The following CSMD1 variants were observed in gnomAD, a reference collection of about 807,000 sequenced individuals.
CSMD1 encodes the protein CUB and sushi domain-containing protein 1.
CSMD1 carries 213 observed loss-of-function variants against 417.5 expected under a neutral mutation model. That is an observed-to-expected ratio of 0.51 (90% CI 0.46 to 0.57). The LOEUF is 0.57. Ranked by LOEUF, CSMD1 falls within the 20% of genes least tolerant of loss-of-function variation. CSMD1 has a pLI of 0.00. For synonymous variants in CSMD1, 2,862 were observed against 1,736.8 expected, an observed-to-expected ratio of 1.65 and a Z score of -16.11; for missense variants, 6,923 against 4,529.7, an observed-to-expected ratio of 1.53 and a Z score of -15.17.
At chr8:3,564,893 C>G (rs951210542) in intron 10 of CSMD1, among the ~76,000 whole-genome samples, 1 of 151,748 alleles carries the variant, frequency 6.6e-6, no homozygotes, top group Non-Finnish European at 1.5e-5. Context: ...AATGAAATAG[C>G]TGGCACACAG....
chr8:3,557,744 G>C (rs986569159), intron 10 of CSMD1, among the ~76,000 whole-genome samples: 1 of 152,082 alleles, frequency 6.6e-6, no homozygotes, highest in Non-Finnish European at 1.5e-5. Context: ...TTTCCCCTTA[G>C]TCCCCTAGTA....
intron 3 of CSMD1, among the ~76,000 whole-genome samples, chr8:4,370,589 C>A (rs1410062137): frequency 3.3e-5 from 5 of 152,122 alleles, no homozygotes; most frequent in Admixed American, 6.5e-5. Context: ...TGTGTTTGGT[C>A]TCTTTGCATA....
chr8:3,819,948 A>G (rs1801629724), intron 5 of CSMD1, among the ~76,000 whole-genome samples: 1 of 152,152 alleles, frequency 6.6e-6, no homozygotes, highest in African/African-American at 2.4e-5. Context: ...TCTCCCTTGA[A>G]TAATTCATCG....
intron 7 of CSMD1, chr8:3,702,001 A>G (rs1188841404): frequency 6.6e-6 from 1 of 152,048 alleles, no homozygotes; most frequent in Non-Finnish European, 1.5e-5. Context: ...TCAGGGTAAG[A>G]AAACATTGAT....
intron 3 of CSMD1, among the ~76,000 whole-genome samples, chr8:4,112,940 C>G (rs191786806): frequency 7.9e-5 from 12 of 152,180 alleles, no homozygotes; most frequent in Admixed American, 6.5e-4. Context: ...TCACTTCATC[C>G]TTTTGCGTTA....
intron 3 of CSMD1, among the ~76,000 whole-genome samples, chr8:4,115,291 T>A (rs904006938): frequency 6.6e-6 from 1 of 152,244 alleles, no homozygotes; most frequent in African/African-American, 2.4e-5. Context: ...ATTTTTAGCA[T>A]TTTTGGCAAC....
Position 3,241,632 on chromosome 8 carries a change from G to A in CSMD1, c.4154-11401C>T, listed in dbSNP as rs576433837. Reference sequence around the variant, plus strand: ...CGGGACACGGTTTAGGAGGAATCCTGGGCTGCAGGCATTCCTTGGCCTGGT... The same window carrying A: ...CGGGACACGGTTTAGGAGGAATCCTAGGCTGCAGGCATTCCTTGGCCTGGT... On this transcript the variant is annotated intron_variant, in intron 26 of 69. Transcript: ENST00000635120. 2.4e-4 allele frequency among the ~76,000 whole-genome samples: 37 copies of A among 152,280 alleles called. 1 individual carries two copies. Among genetic ancestry groups the A allele is most frequent in the African/African-American group, 8.7e-4 (36 of 41,550 alleles).
chr8:4,236,800 C>G (rs1419927517), intron 3 of CSMD1, among the ~76,000 whole-genome samples: 1 of 152,080 alleles, frequency 6.6e-6, no homozygotes, highest in African/African-American at 2.4e-5. Context: ...AATAGTAGCC[C>G]AAATTATTAA....
chr8:4,246,703 G>GT (rs1563331163), intron 3 of CSMD1, among the ~76,000 whole-genome samples: 1 of 151,952 alleles, frequency 6.6e-6, no homozygotes, highest in Non-Finnish European at 1.5e-5. Flanking sequence ...ATTTTTCATT[G>GT]TTTTTTAATT....
chr8:3,447,986 A>G (rs1188454614), intron 12 of CSMD1, among the ~76,000 whole-genome samples: 1 of 152,140 alleles, frequency 6.6e-6, no homozygotes, highest in Non-Finnish European at 1.5e-5. Flanking sequence ...AGCAGAGCTG[A>G]GGAAATGAGA....
chr8:3,958,661 A>G (rs1200586316), intron 5 of CSMD1, among the ~76,000 whole-genome samples: 1 of 152,186 alleles, frequency 6.6e-6, no homozygotes, highest in Non-Finnish European at 1.5e-5. Context: ...TAGCCTATAA[A>G]AACAAAATGT....
intron 2 of CSMD1, among the ~76,000 whole-genome samples, chr8:4,605,959 C>G (rs528784416): frequency 2.0e-5 from 3 of 152,086 alleles, no homozygotes; most frequent in African/African-American, 7.2e-5. Context: ...CTAAGCTAGA[C>G]CAGAGCAGAG....
chr8:4,580,568 G>A (rs1049834296), intron 2 of CSMD1, among the ~76,000 whole-genome samples: 3 of 152,110 alleles, frequency 2.0e-5, no homozygotes, highest in African/African-American at 4.8e-5. Context: ...CGTCTCATGA[G>A]GCTCCTCCTT....
chr8:4,068,017 G>A (rs913616130), intron 3 of CSMD1, among the ~76,000 whole-genome samples: 2 of 152,032 alleles, frequency 1.3e-5, no homozygotes, highest in African/African-American at 2.4e-5. Context: ...GGGGGCGAAG[G>A]TTGCAGTGAG....
chr8:3,454,259 T>C (rs1815955047), intron 12 of CSMD1, among the ~76,000 whole-genome samples: 1 of 152,230 alleles, frequency 6.6e-6, no homozygotes, highest in South Asian at 2.1e-4. Context: ...GTCTTGACTC[T>C]TTATCCAATT....
At chr8:3,602,656 C>G (rs1430162194) in intron 8 of CSMD1, among the ~76,000 whole-genome samples, 2 of 151,346 alleles carry the variant, frequency 1.3e-5, no homozygotes, top group African/African-American at 2.4e-5. Flanking sequence ...TGTTATAATT[C>G]TAATGTATGG....
intron 67 of CSMD1, 73 bp downstream of exon 67, chr8:2,950,158 G>A (rs1052684588): frequency 3.9e-5 from 38 of 983,534 alleles, no homozygotes; most frequent in Admixed American, 1.2e-4. Flanking sequence ...CCTCCAATCC[G>A]TAGCCCTTGC....
intron 2 of CSMD1, among the ~76,000 whole-genome samples, chr8:4,525,067 C>G (rs1796447493): frequency 6.6e-6 from 1 of 152,098 alleles, no homozygotes; most frequent in Non-Finnish European, 1.5e-5. Flanking sequence ...GTCAATTAAA[C>G]TGCAAGTCAA....
intron 11 of CSMD1, among the ~76,000 whole-genome samples, chr8:3,476,338 T>C (rs1040968570): frequency 4.6e-5 from 7 of 152,216 alleles, no homozygotes; most frequent in African/African-American, 1.7e-4. Flanking sequence ...AAAATATACA[T>C]GTGTTTTTCC....
Sources: allele counts gnomAD v4.1 joint callset (sites outside exome capture counted in the v4.1 genomes callset), GRCh38; gene constraint gnomAD v4.1.1; transcripts MANE v1.5; gene names NCBI Gene and HGNC (gene_info 2026-07-23, HGNC 2026-07-21).